The following ALMS1 variants were observed in gnomAD, a reference collection of about 807,000 sequenced individuals.
ALMS1 encodes centrosome-associated protein ALMS1.
In ALMS1, 271 loss-of-function variants were observed where a neutral mutation model predicts 352.2. That is an observed-to-expected ratio of 0.77 (90% CI 0.70 to 0.85). The LOEUF is 0.85. Ranked by LOEUF, ALMS1 falls within the 40% of genes least tolerant of loss-of-function variation. The pLI is 0.00. For missense variants in ALMS1, 5,445 were observed against 4,870.7 expected (o/e 1.12, Z -3.51); for synonymous variants, 1,865 against 1,761.2 (o/e 1.06, Z -1.48).
chr2:73,604,713 T>C (rs1815027), intron 21 of ALMS1, among the ~76,000 whole-genome samples: 77,494 of 152,042 alleles, frequency 0.51, 22,652 homozygotes, highest in East Asian at 0.74. Flanking sequence ...TCCTGGAAGT[T>C]GCTGAGACCC....
rs552970224 is a variant in ALMS1, at chr2:73,604,742, C to G, written c.12362+1438C>G. Among the ~76,000 whole-genome samples the G allele has an allele frequency of 3.1e-3, 472 of 152,222 alleles. 1 individual carries two copies. Among genetic ancestry groups the G allele is most frequent in the African/African-American group, 3.5e-3 (145 of 41,508 alleles). On this transcript the variant is annotated intron_variant, in intron 21 of 22. Coordinates refer to ENST00000613296, the MANE Select transcript of ALMS1 (RefSeq NM_001378454.1). ...GAGACCCTTTCAGGCAATTTGCAAG[C>G]TCAAAACTAATTTCAGAATGACACC...
At chr2:73,470,128 G>GT (rs1672438823) in intron 9 of ALMS1, 1 of 151,552 alleles carries the variant, frequency 6.6e-6, no homozygotes, top group South Asian at 2.1e-4. Context: ...TGTTAACATT[G>GT]TTTTTACCTT....
Position 73,452,703 on chromosome 2 carries a change from A to G in ALMS1, c.6176A>G (p.Gln2059Arg). 6.2e-7 allele frequency: 1 copy of G among 1,613,814 alleles called. No homozygotes were observed. Among genetic ancestry groups the G allele is most frequent in the Non-Finnish European group, 8.5e-7 (1 of 1,179,996 alleles). Residue 2059 changes from glutamine to arginine, a missense_variant, in exon 8 of 23, where the codon CAA becomes CGA. Coordinates refer to ENST00000613296, the MANE Select transcript of ALMS1 (RefSeq NM_001378454.1). ...SQTVKPNILF[Q>R]QQLPDRDQSK... ...ACAGTAAAGCCCAATATTTTATTTC[A>G]ACAGCAGTTGCCAGATAGAGATCAA... is the stretch of plus-strand genomic sequence containing the variant.
intron 12 of ALMS1, among the ~76,000 whole-genome samples, chr2:73,536,552 C>A (rs1674033333): frequency 6.6e-6 from 1 of 151,450 alleles, no homozygotes; most frequent in South Asian, 2.1e-4. Context: ...TTTCTTAGAC[C>A]AGTAGACCTA....
chr2:73,453,746 A>C lies in ALMS1; in HGVS notation c.7219A>C (p.Met2407Leu), dbSNP rs1198704030. The C allele has an allele frequency of 6.2e-7, 1 of 1,614,156 alleles. No homozygotes were observed. The highest frequency in any genetic ancestry group is 8.5e-7 in the Non-Finnish European group (1 of 1,180,012). Residue 2407 changes from methionine to leucine, a missense_variant, in exon 8 of 23, where the codon ATG (methionine) becomes CTG (leucine). Met to Leu is a conservative substitution (Grantham distance 15). Transcript: ENST00000613296. ...CATTGGGAATAAAATTATTATCCCT[A>C]TGATGACTGTCATAAAAAGTGATTC... is the stretch of plus-strand genomic sequence containing the variant. ...GTIGNKIIIP[M>L]MTVIKSDSSS...
intron 10 of ALMS1, among the ~76,000 whole-genome samples, chr2:73,507,689 T>C (rs1673358008): frequency 6.6e-6 from 1 of 152,178 alleles, no homozygotes; most frequent in African/African-American, 2.4e-5. Context: ...GTCTGGCTAG[T>C]GGTCTATCTA....
At chr2:73,488,784 A>T (rs1449664052) in intron 9 of ALMS1, among the ~76,000 whole-genome samples, 1 of 152,240 alleles carries the variant, frequency 6.6e-6, no homozygotes, top group African/African-American at 2.4e-5. Flanking sequence ...ATAGAATGCC[A>T]AGTTATAATG....
chr2:73,490,758 C>T lies in ALMS1; in HGVS notation c.8799C>T (p.Cys2933=), dbSNP rs2103893317. The change falls in exon 10 of 23, where the codon TGC becomes TGT. Residue 2933 remains cysteine (C), a synonymous_variant. Transcript: ENST00000613296. ...AACAACGAGAACTCTTTGAACAGTG[C>T]AAAGCCCCATATGTAGATCATCAAA... The part of the protein sequence containing the change: ...FLEQRELFEQ[C]KAPYVDHQMR... 1 of 1,614,104 alleles carries T rather than the reference C, an allele frequency of 6.2e-7. No individual in the cohort carries two copies. Among genetic ancestry groups the T allele is most frequent in the Non-Finnish European group, 8.5e-7 (1 of 1,180,010 alleles).
chr2:73,483,956 C>G (rs1376579258), intron 9 of ALMS1, among the ~76,000 whole-genome samples: 2 of 150,088 alleles, frequency 1.3e-5, no homozygotes, highest in Admixed American at 1.3e-4. Context: ...TTATTTTGAG[C>G]CTATGTGTGT....
intron 10 of ALMS1, among the ~76,000 whole-genome samples, chr2:73,512,958 A>C (rs1328485415): frequency 6.6e-6 from 1 of 152,194 alleles, no homozygotes; most frequent in African/African-American, 2.4e-5. Flanking sequence ...ATTTACATTA[A>C]TATTTATTTC....
chr2:73,438,548 G>C (rs1671651329), intron 7 of ALMS1, among the ~76,000 whole-genome samples: 1 of 152,182 alleles, frequency 6.6e-6, no homozygotes, highest in African/African-American at 2.4e-5. Flanking sequence ...TTGGTTTGAA[G>C]TGTCTTCAAA....
At chr2:73,413,253 A>C (rs570315070) in intron 2 of ALMS1, among the ~76,000 whole-genome samples, 7 of 152,076 alleles carry the variant, frequency 4.6e-5, no homozygotes, top group African/African-American at 1.7e-4. Context: ...TTGCAGAGAC[A>C]GTCTGTGGCA....
Position 73,572,736 on chromosome 2 carries a change from G to C in ALMS1, c.10859G>C (p.Arg3620Thr), listed in dbSNP as rs1329202484. 6.2e-7 allele frequency: 1 copy of C among 1,614,104 alleles called. No homozygotes were observed. The highest frequency in any genetic ancestry group is 1.3e-5 in the African/African-American group (1 of 75,028). Residue 3620 changes from arginine to threonine, a missense_variant, in exon 16 of 23, where the codon AGG (arginine) becomes ACG (threonine). Physicochemically the swap from Arg to Thr is moderately conservative, Grantham distance 71. Coordinates refer to ENST00000613296, the MANE Select transcript of ALMS1 (RefSeq NM_001378454.1). ...CAGAGACAGCCTGAGTTGGGTGACAGGAAAGAACTGTCCTTGGTGGACCGA... is the reference window on the plus strand; with the variant it reads ...CAGAGACAGCCTGAGTTGGGTGACACGAAAGAACTGTCCTTGGTGGACCGA... ...RQQRQPELGD[R>T]KELSLVDRLD...
chr2:73,594,334 T>C (rs565997573), intron 16 of ALMS1, among the ~76,000 whole-genome samples: 6 of 152,382 alleles, frequency 3.9e-5, no homozygotes, highest in South Asian at 4.1e-4. Context: ...TTTAAATGTT[T>C]ACCTTTTTAT....
chr2:73,422,982 G>T lies in ALMS1; in HGVS notation c.764+8G>T. On this transcript the variant is annotated splice_region_variant and intron_variant, in intron 4 of 22. Transcript: ENST00000613296. ...AAGTTTTGCACCTCTGAGGTAGGATGATTTATTTGCATGTAACCTTTCTCA... is the reference window on the plus strand; with the variant it reads ...AAGTTTTGCACCTCTGAGGTAGGATTATTTATTTGCATGTAACCTTTCTCA... 6.3e-7 allele frequency: 1 copy of T among 1,589,190 alleles called. No individual in the cohort carries two copies. The highest frequency in any genetic ancestry group is 1.1e-5 in the South Asian group (1 of 90,514).
chr2:73,480,433 C>A (rs1283403324), intron 9 of ALMS1, among the ~76,000 whole-genome samples: 3 of 152,130 alleles, frequency 2.0e-5, no homozygotes, highest in African/African-American at 7.2e-5. Context: ...GCATAGTATT[C>A]CATGGTGTAT....
At chr2:73,506,127 G>C (rs1673315185) in intron 10 of ALMS1, among the ~76,000 whole-genome samples, 1 of 152,148 alleles carries the variant, frequency 6.6e-6, no homozygotes, top group Admixed American at 6.5e-5. Context: ...TGAAGCCCCT[G>C]CTCTGTTCCA....
chr2:73,570,649 G>A (rs1432979000), intron 15 of ALMS1, among the ~76,000 whole-genome samples: 2 of 152,180 alleles, frequency 1.3e-5, no homozygotes, highest in Non-Finnish European at 2.9e-5. Flanking sequence ...AAATGACCCT[G>A]AAAGATAGAA....
rs1558647545 is a variant in ALMS1 at position 73,448,336 on chromosome 2, T to A, written c.1809T>A (p.Ala603=). 1.9e-6 allele frequency: 3 copies of A among 1,613,912 alleles called. No individual in the cohort carries two copies. Among genetic ancestry groups the A allele is most frequent in the Non-Finnish European group, 2.5e-6 (3 of 1,179,938 alleles). Residue 603 remains alanine, a synonymous_variant, in exon 8 of 23, where the codon GCT becomes GCA. Coordinates refer to ENST00000613296, the MANE Select transcript of ALMS1 (RefSeq NM_001378454.1). ...HLTEEALKVS[A]APGLADQTTG... is the part of the protein sequence containing the mutation. ...CTGAAGAGGCTTTGAAAGTTTCAGC[T>A]GCTCCTGGACTAGCTGACCAGACAA...
Sources: allele counts gnomAD v4.1 joint callset (sites outside exome capture counted in the v4.1 genomes callset), GRCh38; gene constraint gnomAD v4.1.1; transcripts MANE v1.5; gene names NCBI Gene and HGNC (gene_info 2026-07-23, HGNC 2026-07-21).